Variants in ADGRL3 observed in about 807,000 individuals in gnomAD.
ADGRL3 encodes the protein adhesion G protein-coupled receptor L3.
ADGRL3 carries 62 observed loss-of-function variants against 153.5 expected under a neutral mutation model. The observed-to-expected ratio is 0.40, with a 90% CI of 0.33 to 0.50. The LOEUF is 0.50. Among genes scored for constraint, ADGRL3 ranks in the 20% least tolerant of loss-of-function variants. The pLI is 0.47. For missense variants in ADGRL3, 1,641 were observed against 1,859.4 expected (o/e 0.88, Z 2.16); for synonymous variants, 710 against 672.5 (o/e 1.06, Z -0.86).
At chr4:61,889,655 C>T (rs2098558284) in intron 9 of ADGRL3, among the ~76,000 whole-genome samples, 5 of 152,122 alleles carry the variant, frequency 3.3e-5, no homozygotes. Flanking sequence ...TGGTTTCATT[C>T]TATTATCTTT....
In ADGRL3 at chr4:61,710,580, A is replaced by C. The variant is rs142467912; in HGVS notation, c.584-20042A>C. Among the ~76,000 whole-genome samples, 253 of 152,356 alleles carry C rather than the reference A, an allele frequency of 1.7e-3. 1 individual carries two copies. Among genetic ancestry groups the C allele is most frequent in the African/African-American group, 5.7e-3 (235 of 41,588 alleles). ...TTCAAGTTGGATTTTTAAATGAATT[A>C]TACTAAGCAAGGGAATTGTATATTA... On this transcript the variant is annotated intron_variant, in intron 6 of 26. Transcript: ENST00000683033.
rs76649559 is a variant in ADGRL3 at position 61,797,452 on chromosome 4, T to A, written c.1400-16357T>A. 3.1e-3 allele frequency among the ~76,000 whole-genome samples: 475 copies of A among 152,342 alleles called. 2 individuals are homozygous for A. The highest frequency in any genetic ancestry group is 5.4e-3 in the Non-Finnish European group (367 of 68,026). The stretch of plus-strand genomic sequence containing the variant: ...GGAAAAAATAAAGCATAATTTAAAC[T>A]GAGACTTGGTTTCCTCTCCGATAAA... On this transcript the variant is annotated intron_variant, in intron 8 of 26. Coordinates refer to ENST00000683033, the MANE Select transcript of ADGRL3 (RefSeq NM_001387552.1).
At chr4:61,612,331 G>T (rs926302613) in intron 5 of ADGRL3, among the ~76,000 whole-genome samples, 3 of 152,068 alleles carry the variant, frequency 2.0e-5, no homozygotes, top group Non-Finnish European at 4.4e-5. Context: ...ACTTGTGACA[G>T]ATCTCCAAAT....
chr4:61,352,896 T>C (rs1283953878), intron 1 of ADGRL3, among the ~76,000 whole-genome samples: 1 of 152,168 alleles, frequency 6.6e-6, no homozygotes, highest in Non-Finnish European at 1.5e-5. Flanking sequence ...ACCAACCCAA[T>C]ACATCTAATG....
rs576611485 is a variant in ADGRL3, at chr4:61,437,902, T to C, written c.-174+54713T>C. 1.7e-4 allele frequency among the ~76,000 whole-genome samples: 26 copies of C among 152,286 alleles called. 1 individual carries two copies. In the South Asian group the frequency reaches 4.8e-3, roughly 28 times the overall value. On this transcript the variant is annotated intron_variant, in intron 2 of 26. Coordinates refer to ENST00000683033, the MANE Select transcript of ADGRL3 (RefSeq NM_001387552.1). ...TCAGTGTCCAGGTGAAGTCCCACTC[T>C]CTTCCACTGGACATTAATGACACTT...
At chr4:61,315,453 G>T (rs2095172933) in intron 1 of ADGRL3, among the ~76,000 whole-genome samples, 1 of 152,182 alleles carries the variant, frequency 6.6e-6, no homozygotes, top group African/African-American at 2.4e-5. Flanking sequence ...TGGTGGTGAG[G>T]CTCAGGATGT....
chr4:61,317,580 T>C (rs1347757865), intron 1 of ADGRL3, among the ~76,000 whole-genome samples: 1 of 152,116 alleles, frequency 6.6e-6, no homozygotes, highest in Non-Finnish European at 1.5e-5. Flanking sequence ...AGGTTTTTCT[T>C]TGTGTATTAG....
intron 9 of ADGRL3, among the ~76,000 whole-genome samples, chr4:61,824,409 G>A (rs1043288875): frequency 2.0e-5 from 3 of 152,160 alleles, no homozygotes; most frequent in Admixed American, 1.3e-4. Context: ...ACAAGTTAAT[G>A]TACTAAATCT....
chr4:61,515,015 T>C (rs1402695762), intron 3 of ADGRL3, among the ~76,000 whole-genome samples: 2 of 152,122 alleles, frequency 1.3e-5, no homozygotes, highest in Non-Finnish European at 2.9e-5. Context: ...TAAGAAGAGA[T>C]CCCTATTCCC....
At position 62,044,777 on chromosome 4, in the gene ADGRL3, CT is replaced by C. The variant is rs545931753; in HGVS notation, c.3814+235del. ...CAAAAGGAAATTAGAAAATAAAAAA[CT>C]TTTTTTCCTAGTCATCTGCTGCTGC... On this transcript the variant is annotated intron_variant, in intron 25 of 26. Transcript: ENST00000683033. 4.9e-3 allele frequency among the ~76,000 whole-genome samples: 740 copies of C among 152,072 alleles called. 2 individuals carry two copies. The highest frequency in any genetic ancestry group is 0.017 in the African/African-American group (696 of 41,516).
At chr4:61,985,109 G>T (rs1477091387) in intron 19 of ADGRL3, among the ~76,000 whole-genome samples, 1 of 151,914 alleles carries the variant, frequency 6.6e-6, no homozygotes, top group African/African-American at 2.4e-5. Flanking sequence ...TACTAAAAGT[G>T]GTTTTAGAAT....
At chr4:61,857,029 C>T (rs961620826) in intron 9 of ADGRL3, among the ~76,000 whole-genome samples, 25 of 144,014 alleles carry the variant, frequency 1.7e-4, no homozygotes, top group African/African-American at 6.1e-4. Flanking sequence ...TCCTCCCTTC[C>T]TTCCTTCCTT....
chr4:61,689,353 G>T (rs1168789997), intron 6 of ADGRL3, among the ~76,000 whole-genome samples: 1 of 152,040 alleles, frequency 6.6e-6, no homozygotes, highest in Non-Finnish European at 1.5e-5. Context: ...GGCTGAACCT[G>T]ATTATATGAG....
At chr4:61,995,759 G>A (rs2099119527) in intron 19 of ADGRL3, among the ~76,000 whole-genome samples, 1 of 152,098 alleles carries the variant, frequency 6.6e-6, no homozygotes, top group African/African-American at 2.4e-5. Flanking sequence ...AGAAGTATGA[G>A]CAGTAACAAT....
At chr4:61,889,584 A>T (rs1281988664) in intron 9 of ADGRL3, among the ~76,000 whole-genome samples, 1 of 152,070 alleles carries the variant, frequency 6.6e-6, no homozygotes, top group African/African-American at 2.4e-5. Flanking sequence ...GTAATTTTAG[A>T]AAAAAAATAA....
chr4:61,625,042 T>G (rs763973312), intron 5 of ADGRL3, among the ~76,000 whole-genome samples: 99 of 152,222 alleles, frequency 6.5e-4, no homozygotes, highest in Non-Finnish European at 1.3e-3. Context: ...ATAATGATAC[T>G]GAACCAAAAA....
At chr4:61,719,065 T>A (rs1039916082) in intron 6 of ADGRL3, among the ~76,000 whole-genome samples, 5 of 152,210 alleles carry the variant, frequency 3.3e-5, no homozygotes, top group Non-Finnish European at 7.4e-5. Context: ...CACCTTTGGA[T>A]TGTGTATCAC....
At chr4:61,830,411 T>C (rs2148853839) in intron 9 of ADGRL3, among the ~76,000 whole-genome samples, 1 of 152,180 alleles carries the variant, frequency 6.6e-6, no homozygotes, top group East Asian at 1.9e-4. Context: ...GAAGTAATGT[T>C]CCCTGCTGGC....
chr4:61,815,507 G>T (rs2097678125), intron 9 of ADGRL3, among the ~76,000 whole-genome samples: 1 of 152,130 alleles, frequency 6.6e-6, no homozygotes, highest in African/African-American at 2.4e-5. Flanking sequence ...GCAATGTGAG[G>T]ATCTGATAAG....
Sources: gnomAD v4.1 joint callset for allele counts (sites outside exome capture counted in the v4.1 genomes callset) on GRCh38, gnomAD v4.1.1 for gene constraint, MANE v1.5 for transcripts, NCBI Gene and HGNC (gene_info 2026-07-23, HGNC 2026-07-21) for gene names.